HPN: variants seen among roughly 807,000 people sequenced by gnomAD.
HPN encodes the protein hepsin.
Under a neutral mutation model 55.9 loss-of-function variants are expected in HPN, and 13 were observed. The ratio of observed to expected loss-of-function variants is 0.23; its 90% CI spans 0.15 to 0.37. The LOEUF (loss-of-function observed/expected upper bound fraction) is 0.37. Ranked by LOEUF, HPN falls within the 10% of genes least tolerant of loss-of-function variation. HPN has a pLI of 1.00. For missense variants in HPN, 451 were observed against 575.8 expected, an observed-to-expected ratio of 0.78 and a Z score of 2.22; for synonymous variants, 225 against 240.3, an observed-to-expected ratio of 0.94 and a Z score of 0.59.
intron 2 of HPN, 65 bp from the exon 3 acceptor site, chr19:35,049,225 C>T (rs889938691): frequency 3.5e-5 from 43 of 1,236,988 alleles, no homozygotes; most frequent in African/African-American, 9.2e-5. Context: ...GAGCTGGCCT[C>T]GGGCCCAGAC....
At chr19:35,049,851 A>AT (rs1185797905) in intron 4 of HPN, among the ~76,000 whole-genome samples, 12 of 125,892 alleles carry the variant, frequency 9.5e-5, no homozygotes, top group African/African-American at 3.2e-4. Context: ...GGTTATGCTA[A>AT]TTTTTGTTTG....
intron 2 of HPN, among the ~76,000 whole-genome samples, chr19:35,044,608 CTT>C (rs994429170): frequency 6.6e-6 from 1 of 152,122 alleles, no homozygotes; most frequent in African/African-American, 2.4e-5. Context: ...GTTTGGGTTG[CTT>C]TTTGGAAGCT....
In HPN at chr19:35,059,886, C is replaced by T. The variant is rs1239414470; in HGVS notation, c.303C>T (p.His101=). The T allele has an allele frequency of 1.3e-6, 2 of 1,504,822 alleles. No individual in the cohort carries two copies. Among genetic ancestry groups the T allele is most frequent in the Admixed American group, 4.6e-5 (2 of 43,066 alleles). The allele number at this position is 1,504,822 out of a possible 1,614,324, so 93.2% of individuals were successfully genotyped here. ...EEMGFLRALT[H]SELDVRTAGA... is the part of the protein sequence containing the mutation. ...CTGCCCCGCCCAGGGCACTGACCCA[C>T]TCCGAGCTGGACGTGCGAACGGCGG... The change falls in exon 6 of 13, where the codon CAC becomes CAT. Residue 101 remains histidine (H), a synonymous_variant. Transcript: ENST00000672452.
intron 2 of HPN, among the ~76,000 whole-genome samples, chr19:35,044,702 A>G (rs1164109704): frequency 1.3e-5 from 2 of 152,132 alleles, no homozygotes; most frequent in East Asian, 1.9e-4. Context: ...AGCCATGCTT[A>G]TACCCTAGTG....
chr19:35,065,710 G>C, intron 11 of HPN, 29 bp downstream of exon 11: 3 of 1,613,194 alleles, frequency 1.9e-6, no homozygotes, highest in Non-Finnish European at 2.5e-6. Flanking sequence ...GCAGCCCCCT[G>C]GTCGCTGCCA....
chr19:35,045,491 T>C (rs1039592462), intron 2 of HPN, among the ~76,000 whole-genome samples: 3 of 151,154 alleles, frequency 2.0e-5, no homozygotes, highest in Admixed American at 2.0e-4. Context: ...AGCCAAATGG[T>C]GGAGGCGGAA....
chr19:35,051,111 T>C (rs1211619221), intron 4 of HPN, among the ~76,000 whole-genome samples: 1 of 151,986 alleles, frequency 6.6e-6, no homozygotes, highest in East Asian at 1.9e-4. Context: ...CAAATTATTG[T>C]TATTTTTATC....
At chr19:35,052,399 G>A (rs1568358314) in intron 4 of HPN, among the ~76,000 whole-genome samples, 1 of 151,948 alleles carries the variant, frequency 6.6e-6, no homozygotes, top group Non-Finnish European at 1.5e-5. Context: ...GTGGTGGCGG[G>A]CGCCTGTAAT....
Position 35,059,950 on chromosome 19 carries a change from G to T in HPN, c.367G>T (p.Gly123Trp). The T allele has an allele frequency of 6.5e-7, 1 of 1,546,704 alleles. No homozygotes were observed. The highest frequency in any genetic ancestry group is 2.0e-5 in the Admixed American group (1 of 51,262). ...GTCGGGCTTCTTCTGTGTGGACGAG[G>T]GGAGGCTGCCCCACACCCAGAGGCT... is the stretch of plus-strand genomic sequence containing the variant. ...GTSGFFCVDE[G>W]RLPHTQRLLE... The change falls in exon 6 of 13, where the codon GGG becomes TGG. Residue 123 changes from glycine to tryptophan, a missense_variant. Physicochemically the swap from Gly to Trp is radical, Grantham distance 184. Transcript: ENST00000672452.
chr19:35,043,429 C>T (rs548393561), intron 2 of HPN, among the ~76,000 whole-genome samples: 58 of 152,286 alleles, frequency 3.8e-4, no homozygotes, highest in Middle Eastern at 6.8e-3. Flanking sequence ...CCAGGATAGC[C>T]GGGCTCAGTC....
At chr19:35,061,487 G>A (rs1424398289) in intron 9 of HPN, among the ~76,000 whole-genome samples, 4 of 152,212 alleles carry the variant, frequency 2.6e-5, no homozygotes, top group East Asian at 1.9e-4. Context: ...CCAGCTACTC[G>A]GGAGGATGAG....
Position 35,065,251 on chromosome 19 carries a change from A to C in HPN, c.813A>C (p.Glu271Asp), listed in dbSNP as rs2064591446. Residue 271 changes from glutamate to aspartate, a missense_variant and splice_region_variant, in exon 10 of 13, where the codon GAA becomes GAC. By Grantham distance (45) the Glu-to-Asp change is conservative (BLOSUM62 2). Around this residue, in one of 2 missense-constraint regions of HPN, gnomAD observed 378 missense variants for 445.5 expected, o/e 0.85. Coordinates refer to ENST00000672452, the MANE Select transcript of HPN (RefSeq NM_001384133.1). ...GGACCAGCATTGTCTCTCTCACAGA[A>C]TACATCCAGCCTGTGTGCCTCCCAG... ...VHLSSPLPLT[E>D]YIQPVCLPAA... is the part of the protein sequence containing the mutation. The C allele has an allele frequency of 6.2e-7, 1 of 1,611,426 alleles. No individual in the cohort carries two copies. The highest frequency in any genetic ancestry group is 1.3e-5 in the African/African-American group (1 of 74,996).
At chr19:35,049,446 G>A in intron 3 of HPN, 29 bp from the exon 4 acceptor site, 2 of 1,613,226 alleles carry the variant, frequency 1.2e-6, no homozygotes, top group Middle Eastern at 1.7e-4. Flanking sequence ...CCTCCAGCCT[G>A]CCTGCCCTCA....
chr19:35,049,231 C>T, intron 2 of HPN, 59 bp from the exon 3 acceptor site: 1 of 1,327,594 alleles, frequency 7.5e-7, no homozygotes, highest in Non-Finnish European at 1.0e-6. Flanking sequence ...GCCTCGGGCC[C>T]AGACCCTGCC....
Position 35,065,039 on chromosome 19 carries a change from C to T in HPN, c.812-211C>T, listed in dbSNP as rs375181762. On this transcript the variant is annotated intron_variant, in intron 9 of 12. Transcript: ENST00000672452. ...GTTTCGCCACGTTGGCCAGGCTGGTCTCAAACTCCTGACATCAAGTGATCC... is the reference window on the plus strand; with the variant it reads ...GTTTCGCCACGTTGGCCAGGCTGGTTTCAAACTCCTGACATCAAGTGATCC... 2.6e-5 allele frequency among the ~76,000 whole-genome samples: 4 copies of T among 152,244 alleles called. No individual in the cohort carries two copies. The South Asian group carries it at 8.3e-4, about 32-fold the overall frequency.
chr19:35,050,646 G>A, intron 4 of HPN: 2 of 636,310 alleles, frequency 3.1e-6, no homozygotes, highest in Admixed American at 3.7e-5. Context: ...CCTGATGCAG[G>A]ACAGCAGGAA....
At chr19:35,043,043 A>G (rs924830078) in intron 2 of HPN, among the ~76,000 whole-genome samples, 1 of 152,122 alleles carries the variant, frequency 6.6e-6, no homozygotes, top group Non-Finnish European at 1.5e-5. Context: ...GGGGCTCTGC[A>G]TATAAGACGC....
At chr19:35,057,291 T>A (rs1240258544) in intron 4 of HPN, among the ~76,000 whole-genome samples, 7 of 151,980 alleles carry the variant, frequency 4.6e-5, no homozygotes, top group African/African-American at 1.7e-4. Context: ...CCAAGTGTGG[T>A]GGCATGTGTC....
intron 9 of HPN, among the ~76,000 whole-genome samples, chr19:35,065,032 G>C (rs534176194): frequency 6.6e-6 from 1 of 152,068 alleles, no homozygotes; most frequent in Non-Finnish European, 1.5e-5. Context: ...ACGTTGGCCA[G>C]GCTGGTCTCA....
Sources: allele counts gnomAD v4.1 joint callset (sites outside exome capture counted in the v4.1 genomes callset), GRCh38; gene constraint gnomAD v4.1.1; regional missense constraint gnomAD v4.1.1; transcripts MANE v1.5; gene names NCBI Gene and HGNC (gene_info 2026-07-23, HGNC 2026-07-21).